NBEAL1: variants seen among roughly 807,000 people sequenced by gnomAD.
NBEAL1 encodes neurobeachin-like protein 1.
A neutral mutation model predicts 351.3 loss-of-function variants in NBEAL1; 273 were observed. The ratio of observed to expected loss-of-function variants is 0.78; its 90% CI spans 0.70 to 0.86. NBEAL1 has a LOEUF of 0.86. Among genes scored for constraint, NBEAL1 ranks in the 40% least tolerant of loss-of-function variants. NBEAL1 has a pLI of 0.00. For missense variants in NBEAL1, 2,961 were observed against 3,201.3 expected, an observed-to-expected ratio of 0.92 and a Z score of 1.81; for synonymous variants, 1,050 against 1,086.4, an observed-to-expected ratio of 0.97 and a Z score of 0.66.
intron 33 of NBEAL1, 107 bp downstream of exon 33, chr2:203,145,267 T>TAA (rs2063482279): frequency 3.1e-5 from 30 of 964,338 alleles, no homozygotes; most frequent in Middle Eastern, 2.9e-4. Flanking sequence ...AGTATTTCTT[T>TAA]TATTTGTCTA....
chr2:203,124,736 A>G (rs2062901709), intron 19 of NBEAL1, among the ~76,000 whole-genome samples: 1 of 152,220 alleles, frequency 6.6e-6, no homozygotes, highest in African/African-American at 2.4e-5. Flanking sequence ...CAGAGACTGC[A>G]CTTTTTATAT....
chr2:203,184,418 G>A (rs1301975476), intron 44 of NBEAL1, among the ~76,000 whole-genome samples: 6 of 152,270 alleles, frequency 3.9e-5, no homozygotes, highest in South Asian at 4.1e-4. Context: ...GAGACAGAGC[G>A]AGAAGCCATC....
chr2:203,193,156 G>A (rs2065143501), intron 46 of NBEAL1, among the ~76,000 whole-genome samples: 1 of 151,522 alleles, frequency 6.6e-6, no homozygotes, highest in Non-Finnish European at 1.5e-5. Context: ...ATTTTTAGTA[G>A]ATACAGGGTT....
intron 2 of NBEAL1, among the ~76,000 whole-genome samples, chr2:203,034,742 C>T (rs1242003932): frequency 2.0e-5 from 3 of 148,744 alleles, no homozygotes; most frequent in African/African-American, 7.3e-5. Context: ...GCCTGAGACA[C>T]TGTGCCTGGC....
intron 31 of NBEAL1, 107 bp downstream of exon 31, chr2:203,138,855 G>C (rs2063291703): frequency 4.6e-6 from 5 of 1,080,790 alleles, no homozygotes; most frequent in South Asian, 4.3e-5. Context: ...TTTTTCATTA[G>C]TTCTAAAAGT....
At chr2:203,020,105 A>C (rs1475541990) in intron 2 of NBEAL1, among the ~76,000 whole-genome samples, 1 of 152,206 alleles carries the variant, frequency 6.6e-6, no homozygotes, top group Non-Finnish European at 1.5e-5. Flanking sequence ...GGAATCATCA[A>C]ATCAGGCTAA....
At chr2:203,187,598 G>A (rs1368974229) in intron 44 of NBEAL1, among the ~76,000 whole-genome samples, 1 of 151,556 alleles carries the variant, frequency 6.6e-6, no homozygotes, top group Non-Finnish European at 1.5e-5. Context: ...AAAATTAGCT[G>A]GGCGTGGTGG....
At chr2:203,118,832 G>A (rs1041284488) in intron 18 of NBEAL1, among the ~76,000 whole-genome samples, 6 of 151,948 alleles carry the variant, frequency 3.9e-5, no homozygotes, top group Admixed American at 6.6e-5. Context: ...CAAGTGATCC[G>A]CCCGCCTTGG....
At chr2:203,114,592 G>C (rs1316981946) in intron 17 of NBEAL1, among the ~76,000 whole-genome samples, 6 of 152,130 alleles carry the variant, frequency 3.9e-5, no homozygotes, top group Non-Finnish European at 8.8e-5. Flanking sequence ...ATTCTAACAG[G>C]ATGTTCAGGA....
At chr2:203,169,014 A>G (rs1489317535) in intron 38 of NBEAL1, among the ~76,000 whole-genome samples, 3 of 151,972 alleles carry the variant, frequency 2.0e-5, no homozygotes, top group Non-Finnish European at 4.4e-5. Flanking sequence ...TACTATAAGG[A>G]TAGGTATTAT....
chr2:203,084,122 T>G (rs1367994278), intron 9 of NBEAL1, among the ~76,000 whole-genome samples: 2 of 152,124 alleles, frequency 1.3e-5, no homozygotes, highest in African/African-American at 4.8e-5. Context: ...TTATGATTTC[T>G]TATTGTGTTC....
In NBEAL1 at chr2:203,019,729, A is replaced by G. The variant is rs199904027; in HGVS notation, c.51+3294A>G. ...TTAAAGTTGTCCCTGAACATTGCAA[A>G]AGTTCAGTAGGTCTAGTAGTAGTAC... On this transcript the variant is annotated intron_variant, in intron 2 of 55. Coordinates refer to ENST00000683969, the MANE Select transcript of NBEAL1 (RefSeq NM_001378026.1). Among the ~76,000 whole-genome samples the G allele has an allele frequency of 1.1e-4, 17 of 152,278 alleles. No homozygotes were observed. The East Asian group carries it at 2.7e-3, about 24-fold the overall frequency.
chr2:203,144,578 C>G, intron 31 of NBEAL1, 22 bp from the exon 32 acceptor site: 7 of 1,588,408 alleles, frequency 4.4e-6, no homozygotes, highest in Non-Finnish European at 6.0e-6. Context: ...TGCTCTTTCT[C>G]ATCTAAACTG....
intron 33 of NBEAL1, among the ~76,000 whole-genome samples, chr2:203,145,538 G>A (rs1394343065): frequency 1.3e-5 from 2 of 152,020 alleles, no homozygotes; most frequent in Non-Finnish European, 2.9e-5. Flanking sequence ...TGGCTCACAC[G>A]TGTAATCCCC....
intron 35 of NBEAL1, 27 bp downstream of exon 35, chr2:203,151,616 T>C: frequency 6.4e-7 from 1 of 1,567,856 alleles, no homozygotes; most frequent in Non-Finnish European, 8.6e-7. Context: ...GTTTAATTGT[T>C]TGTTGAAGAT....
Position 203,136,044 on chromosome 2 carries a change from A to G in NBEAL1, c.4181A>G (p.His1394Arg), listed in dbSNP as rs1306514278. The change falls in exon 28 of 56, where the codon CAT becomes CGT. Residue 1394 changes from histidine to arginine, a missense_variant. Physicochemically the swap from His to Arg is conservative, Grantham distance 29. Transcript: ENST00000683969. ...FKSENQEEFW[H>R]SNPSHLSLDL... ...TCAGAGAATCAAGAGGAATTCTGGC[A>G]TAGTAACCCTTCACATTTGAGTTTA... The G allele has an allele frequency of 6.2e-7, 1 of 1,613,726 alleles. No homozygotes were observed. The highest frequency in any genetic ancestry group is 8.5e-7 in the Non-Finnish European group (1 of 1,179,892).
chr2:203,070,121 G>A (rs1371578803), intron 7 of NBEAL1, among the ~76,000 whole-genome samples: 2 of 151,818 alleles, frequency 1.3e-5, no homozygotes, highest in Non-Finnish European at 2.9e-5. Flanking sequence ...AAAAATAGAT[G>A]CCCTTTATTA....
At chr2:203,060,691 C>A (rs1338845347) in intron 6 of NBEAL1, among the ~76,000 whole-genome samples, 1 of 152,042 alleles carries the variant, frequency 6.6e-6, no homozygotes, top group East Asian at 1.9e-4. Context: ...GCACAGAGAC[C>A]CTCTTTAACA....
chr2:203,026,681 A>AT (rs1228509420), intron 2 of NBEAL1, among the ~76,000 whole-genome samples: 2 of 151,860 alleles, frequency 1.3e-5, no homozygotes, highest in Non-Finnish European at 2.9e-5. Context: ...TGCCCAGCTA[A>AT]TTTTTGTATT....
Sources: allele counts gnomAD v4.1 joint callset (sites outside exome capture counted in the v4.1 genomes callset), GRCh38; gene constraint gnomAD v4.1.1; transcripts MANE v1.5; gene names NCBI Gene and HGNC (gene_info 2026-07-23, HGNC 2026-07-21).